Variants in NTN1 observed in about 807,000 individuals in gnomAD.
NTN1 encodes the protein netrin 1, also known as netrin-1.
NTN1 carries 11 observed loss-of-function variants against 54.2 expected under a neutral mutation model. The observed-to-expected ratio is 0.20, with a 90% confidence interval of 0.13 to 0.34. The LOEUF is 0.34. Ranked by LOEUF, NTN1 falls within the 10% of genes least tolerant of loss-of-function variation. The pLI is 1.00. For missense variants in NTN1, 740 were observed against 893.1 expected (o/e 0.83, Z 2.18); for synonymous variants, 371 against 382.0 (o/e 0.97, Z 0.33).
intron 5 of NTN1, among the ~76,000 whole-genome samples, chr17:9,196,168 C>T (rs1000038149): frequency 3.9e-5 from 6 of 152,096 alleles, no homozygotes; most frequent in South Asian, 2.1e-4. Context: ...GAGCCAGCCT[C>T]GTGTTCTGGG....
intron 5 of NTN1, among the ~76,000 whole-genome samples, chr17:9,199,201 G>A (rs976471604): frequency 3.3e-5 from 5 of 152,176 alleles, no homozygotes; most frequent in African/African-American, 1.2e-4. Context: ...GGAGTGCAGT[G>A]GCACAATCTC....
At chr17:9,097,909 C>G (rs1397753187) in intron 2 of NTN1, among the ~76,000 whole-genome samples, 2 of 151,892 alleles carry the variant, frequency 1.3e-5, no homozygotes, top group African/African-American at 4.8e-5. Flanking sequence ...AAATATAAGT[C>G]TTTGTTCTCC....
At chr17:9,057,433 A>G (rs1017146353) in intron 2 of NTN1, among the ~76,000 whole-genome samples, 2 of 151,988 alleles carry the variant, frequency 1.3e-5, no homozygotes, top group African/African-American at 4.8e-5. Context: ...CGGGCTTATC[A>G]CTATATTGTT....
intron 2 of NTN1, among the ~76,000 whole-genome samples, chr17:9,145,479 G>C (rs1404609449): frequency 6.6e-6 from 1 of 152,232 alleles, no homozygotes; most frequent in Non-Finnish European, 1.5e-5. Flanking sequence ...CCCATTTGCA[G>C]CTGGGGGAGA....
At chr17:9,183,304 G>A in intron 5 of NTN1, 1 of 568,852 alleles carries the variant, frequency 1.8e-6, no homozygotes. Flanking sequence ...TCCTGGGGCT[G>A]CAGAGAAGGA....
chr17:9,232,006 T>G (rs1055933612), intron 6 of NTN1, among the ~76,000 whole-genome samples: 4 of 152,012 alleles, frequency 2.6e-5, no homozygotes, highest in Admixed American at 2.6e-4. Flanking sequence ...TTCAGGGAGC[T>G]GGTTGGCTGC....
upstream of NTN1, among the ~76,000 whole-genome samples, chr17:9,017,272 C>T (rs1053207727): frequency 6.6e-6 from 1 of 150,828 alleles, no homozygotes; most frequent in Non-Finnish European, 1.5e-5. Context: ...AAGTTGTCTA[C>T]ACCTGCTATT....
chr17:9,229,563 C>T lies in NTN1; in HGVS notation c.1486+8321C>T, dbSNP rs567685156. On this transcript the variant is annotated intron_variant, in intron 6 of 6. Transcript: ENST00000173229. Reference sequence around the variant, plus strand: ...GTAGGCGCGGCAGTCCTTTAGAACACTCAAGAACTGGGACCCCATCGGGGC... The same window carrying T: ...GTAGGCGCGGCAGTCCTTTAGAACATTCAAGAACTGGGACCCCATCGGGGC... Among the ~76,000 whole-genome samples, 5 of 152,270 alleles carry T rather than the reference C, an allele frequency of 3.3e-5. No individual in the cohort carries two copies. In the East Asian group the frequency reaches 9.7e-4, roughly 29 times the overall value.
intron 2 of NTN1, 75 bp from the exon 3 acceptor site, chr17:9,162,738 T>G: frequency 1.4e-6 from 2 of 1,404,926 alleles, no homozygotes; most frequent in South Asian, 1.3e-5. Flanking sequence ...AGGGGTGGGG[T>G]TTCTTTTGAC....
At chr17:9,198,897 A>C (rs1904708343) in intron 5 of NTN1, among the ~76,000 whole-genome samples, 1 of 152,176 alleles carries the variant, frequency 6.6e-6, no homozygotes, top group African/African-American at 2.4e-5. Context: ...GAGGGAGGCC[A>C]TATGTGTGGG....
At chr17:9,066,072 A>T (rs2092014130) in intron 2 of NTN1, among the ~76,000 whole-genome samples, 1 of 152,200 alleles carries the variant, frequency 6.6e-6, no homozygotes, top group Non-Finnish European at 1.5e-5. Context: ...TTAAAAATAT[A>T]GTTAAATGCA....
At chr17:9,233,532 T>C (rs964965894) in intron 6 of NTN1, among the ~76,000 whole-genome samples, 5 of 151,882 alleles carry the variant, frequency 3.3e-5, no homozygotes, top group African/African-American at 1.2e-4. Flanking sequence ...CCTCAGAAGG[T>C]CTAGAGCTCA....
chr17:9,019,843 T>G (rs1417138844), upstream of NTN1, among the ~76,000 whole-genome samples: 1 of 152,230 alleles, frequency 6.6e-6, no homozygotes, highest in African/African-American at 2.4e-5. Context: ...TGTTATTGTG[T>G]CATATTTTAT....
At chr17:9,106,660 C>A (rs1349040624) in intron 2 of NTN1, among the ~76,000 whole-genome samples, 2 of 152,056 alleles carry the variant, frequency 1.3e-5, no homozygotes, top group African/African-American at 4.8e-5. Flanking sequence ...AGTACAGGTG[C>A]CCACCACCAT....
At chr17:9,161,361 A>T (rs2092356521) in intron 2 of NTN1, among the ~76,000 whole-genome samples, 1 of 152,176 alleles carries the variant, frequency 6.6e-6, no homozygotes, top group Non-Finnish European at 1.5e-5. Flanking sequence ...CAAAGTTTGG[A>T]ATCACTGGAG....
At chr17:9,204,225 C>CCT (rs1465640949) in intron 5 of NTN1, among the ~76,000 whole-genome samples, 1 of 109,646 alleles carries the variant, frequency 9.1e-6, no homozygotes, top group African/African-American at 4.7e-5. Flanking sequence ...CCTTCCTTTT[C>CCT]TTTCTCTTCT....
chr17:9,076,642 C>A (rs2092051021), intron 2 of NTN1, among the ~76,000 whole-genome samples: 2 of 152,172 alleles, frequency 1.3e-5, no homozygotes, highest in South Asian at 4.1e-4. Flanking sequence ...TCCCAAAGTG[C>A]TGGGATTATA....
intron 3 of NTN1, chr17:9,171,772 G>C (rs952183895): frequency 1.3e-5 from 2 of 152,242 alleles, no homozygotes; most frequent in African/African-American, 4.8e-5. Context: ...AGAGAGGGAG[G>C]AAGGGGTGGG....
chr17:9,221,881 A>G lies in NTN1; in HGVS notation c.1486+639A>G, dbSNP rs1008455657. ...CTCTCATGGTGGTCGTGGAGAGTGG[A>G]GATGGTCTGGGAGCCTGCAGGAGGA... On this transcript the variant is annotated intron_variant, in intron 6 of 6. Coordinates refer to ENST00000173229, the MANE Select transcript of NTN1 (RefSeq NM_004822.3). The surrounding 1 kb of genome is among the most constrained non-coding windows in gnomAD (Gnocchi z 4.5). Among the ~76,000 whole-genome samples, 1 of 152,068 alleles carries G rather than the reference A, an allele frequency of 6.6e-6. No individual in the cohort carries two copies. The highest frequency in any genetic ancestry group is 2.4e-5 in the African/African-American group (1 of 41,396).
Sources: gnomAD v4.1 joint callset for allele counts (sites outside exome capture counted in the v4.1 genomes callset) on GRCh38, gnomAD v4.1.1 for gene constraint, Gnocchi (gnomAD v3.1) non-coding constraint, MANE v1.5 for transcripts, NCBI Gene and HGNC (gene_info 2026-07-23, HGNC 2026-07-21) for gene names.